The following PCDH7 variants were observed in gnomAD, a reference collection of about 807,000 sequenced individuals.
The protein encoded by PCDH7 is protocadherin 7.
A neutral mutation model predicts 58.9 loss-of-function variants in PCDH7; 17 were observed. The ratio of observed to expected loss-of-function variants is 0.29; its 90% CI spans 0.20 to 0.43. PCDH7 has a LOEUF of 0.43. PCDH7 is among the 20% of genes least tolerant of loss of function. The pLI is 1.00. For synonymous variants in PCDH7, 664 were observed against 616.4 expected (o/e 1.08, Z -1.14); for missense variants, 1,274 against 1,441.0 (o/e 0.88, Z 1.88).
At chr4:31,097,622 ATATATATATATAT>A (rs1311713696) in intron 3 of PCDH7, among the ~76,000 whole-genome samples, 736 of 40,332 alleles carry the variant, frequency 0.018, 64 homozygotes, top group Middle Eastern at 0.045. Flanking sequence ...ATATATATAT[ATATATATATATAT>A]ATAAATCTTT....
chr4:30,814,613 C>T (rs1727439363), intron 1 of PCDH7, among the ~76,000 whole-genome samples: 1 of 151,954 alleles, frequency 6.6e-6, no homozygotes, highest in Non-Finnish European at 1.5e-5. Flanking sequence ...TGTTGACAAT[C>T]TCTGTTGACT....
rs1316850804 is a variant in PCDH7 at position 30,722,728 on chromosome 4, G to A, written c.1306G>A (p.Val436Ile). 6.2e-7 allele frequency: 1 copy of A among 1,613,438 alleles called. No homozygotes were observed. The highest frequency in any genetic ancestry group is 8.5e-7 in the Non-Finnish European group (1 of 1,180,024). Residue 436 changes from valine (V) to isoleucine (I), a missense_variant, in exon 1 of 2, where the codon GTT becomes ATT. This residue lies in a region of PCDH7 where 731 missense variants were observed against 881.9 expected (regional missense o/e 0.83). Transcript: ENST00000361762. This position sits in a 1 kb window ranked among gnomAD's most constrained non-coding sequence, Gnocchi z 7.6. Reference sequence around the variant, plus strand: ...CGGGGTGGCCAACGTGGCCGAGGACGTTCTGGTCGACACCCCCATCGCTCT... The same window carrying A: ...CGGGGTGGCCAACGTGGCCGAGGACATTCTGGTCGACACCCCCATCGCTCT...
intron 3 of PCDH7, among the ~76,000 whole-genome samples, chr4:30,980,699 A>G (rs1750478773): frequency 6.6e-6 from 1 of 152,182 alleles, no homozygotes; most frequent in South Asian, 2.1e-4. Flanking sequence ...ATTTGAAACA[A>G]TTTCTGTCTT....
At chr4:30,888,540 A>G (rs962770094) in intron 1 of PCDH7, among the ~76,000 whole-genome samples, 2 of 152,218 alleles carry the variant, frequency 1.3e-5, no homozygotes, top group African/African-American at 4.8e-5. Flanking sequence ...AAAACAGAAC[A>G]AATTATTTTA....
intron 3 of PCDH7, among the ~76,000 whole-genome samples, chr4:30,964,249 TA>T (rs200635874): frequency 0.34 from 23,614 of 69,528 alleles, 3,121 homozygotes; most frequent in African/African-American, 0.57. Context: ...TTTATTTATT[TA>T]TTTTTTTTTG....
At chr4:31,056,420 G>GAA (rs1560608320) in intron 3 of PCDH7, among the ~76,000 whole-genome samples, 4 of 123,628 alleles carry the variant, frequency 3.2e-5, no homozygotes, top group African/African-American at 1.1e-4. Context: ...AAGAAGGAAA[G>GAA]AAGGAAAGAA....
chr4:30,729,005 C>T (rs1345693352), intron 1 of PCDH7, among the ~76,000 whole-genome samples: 1 of 151,600 alleles, frequency 6.6e-6, no homozygotes, highest in Non-Finnish European at 1.5e-5. Context: ...ATACTATAAT[C>T]AACAGCTTAA....
At chr4:31,054,648 C>T (rs1000235686) in intron 3 of PCDH7, among the ~76,000 whole-genome samples, 2 of 152,060 alleles carry the variant, frequency 1.3e-5, no homozygotes, top group Non-Finnish European at 2.9e-5. Context: ...TTATCTTCAT[C>T]AAATTCAAGG....
intron 2 of PCDH7, among the ~76,000 whole-genome samples, chr4:30,925,179 G>A (rs753721848): frequency 1.3e-5 from 2 of 152,084 alleles, no homozygotes; most frequent in East Asian, 3.9e-4. Flanking sequence ...TAAACATGCT[G>A]CAGTAAAACA....
In PCDH7 at chr4:30,722,848, A is replaced by G; in HGVS notation, c.1426A>G (p.Thr476Ala). ...CTTCCAGCTCAAGCCAGCCAGCGACACCGAGGGCGACCAGAACAAGAAAAA... is the reference window on the plus strand; with the variant it reads ...CTTCCAGCTCAAGCCAGCCAGCGACGCCGAGGGCGACCAGAACAAGAAAAA... The change falls in exon 1 of 2, where the codon ACC becomes GCC. Residue 476 changes from threonine to alanine, a missense_variant. This residue lies in a region of PCDH7 where 731 missense variants were observed against 881.9 expected (regional missense o/e 0.83). Coordinates refer to ENST00000361762, the Ensembl canonical transcript of PCDH7. The surrounding 1 kb of genome is among the most constrained non-coding windows in gnomAD (Gnocchi z 7.6). 1.2e-6 allele frequency: 2 copies of G among 1,613,772 alleles called. No homozygotes were observed. The highest frequency in any genetic ancestry group is 1.1e-5 in the South Asian group (1 of 91,082).
intron 1 of PCDH7, among the ~76,000 whole-genome samples, chr4:30,870,056 A>G (rs986112146): frequency 5.9e-5 from 9 of 151,960 alleles, no homozygotes; most frequent in Non-Finnish European, 5.9e-5. Flanking sequence ...TTTTTTTCAT[A>G]TATCTGTGGC....
intron 1 of PCDH7, among the ~76,000 whole-genome samples, chr4:30,779,609 G>T (rs1722529665): frequency 6.6e-6 from 1 of 152,132 alleles, no homozygotes; most frequent in Admixed American, 6.5e-5. Context: ...CCAGTTCTTA[G>T]ATTATTAACA....
rs564784927 is a variant in PCDH7 at position 31,074,877 on chromosome 4, C to T, written c.*8-67596C>T. Among the ~76,000 whole-genome samples, 15 of 150,190 alleles carry T rather than the reference C, an allele frequency of 1.0e-4. No individual in the cohort carries two copies. The South Asian group carries it at 1.3e-3, about 13-fold the overall frequency. On this transcript the variant is annotated intron_variant, in intron 3 of 3. Transcript: ENST00000509759. ...GATTCATGCCCACTGATACATTGCT[C>T]ATCATTTGTACCAGGAAAATTAATA...
At position 30,958,989 on chromosome 4, in the gene PCDH7, T is replaced by A. The variant is rs138387558; in HGVS notation, c.*7+8774T>A. 3.9e-5 allele frequency among the ~76,000 whole-genome samples: 6 copies of A among 152,230 alleles called. No individual in the cohort carries two copies. The East Asian group carries it at 1.2e-3, about 29-fold the overall frequency. On this transcript the variant is annotated intron_variant, in intron 3 of 3. Coordinates refer to the PCDH7 transcript ENST00000509759. ...AGGAGCCAGCTTGTCTTTTCAATAG[T>A]GTGAGGCTCAAAGCACCAGATTAGC...
At chr4:30,989,793 C>T (rs1751301889) in intron 3 of PCDH7, among the ~76,000 whole-genome samples, 1 of 152,030 alleles carries the variant, frequency 6.6e-6, no homozygotes, top group Admixed American at 6.6e-5. Flanking sequence ...GACACCCTTC[C>T]CCACCAAAAA....
At chr4:30,910,978 A>G (rs75622608) in intron 1 of PCDH7, among the ~76,000 whole-genome samples, 2 of 152,144 alleles carry the variant, frequency 1.3e-5, no homozygotes, top group East Asian at 3.9e-4. Context: ...CTATGCAGCC[A>G]TAAAAAAGAA....
intron 1 of PCDH7, among the ~76,000 whole-genome samples, chr4:30,812,574 A>T (rs1297878147): frequency 2.6e-5 from 4 of 152,178 alleles, no homozygotes; most frequent in Non-Finnish European, 5.9e-5. Context: ...GAATTCTGTT[A>T]AGCTATTTTC....
chr4:31,000,494 A>G (rs563892918), intron 3 of PCDH7, among the ~76,000 whole-genome samples: 2 of 152,106 alleles, frequency 1.3e-5, no homozygotes, highest in Non-Finnish European at 2.9e-5. Flanking sequence ...GCTATCCTGG[A>G]AAATTATTTT....
intron 3 of PCDH7, among the ~76,000 whole-genome samples, chr4:30,981,289 T>C (rs546974100): frequency 6.6e-6 from 1 of 152,222 alleles, no homozygotes; most frequent in Admixed American, 6.5e-5. Context: ...CAGTGATCTA[T>C]GCGTGAGGCA....
Sources: gnomAD v4.1 joint callset for allele counts (sites outside exome capture counted in the v4.1 genomes callset) on GRCh38, gnomAD v4.1.1 for gene constraint, gnomAD v4.1.1 regional missense constraint, Gnocchi (gnomAD v3.1) non-coding constraint, MANE v1.5 for transcripts, NCBI Gene and HGNC (gene_info 2026-07-23, HGNC 2026-07-21) for gene names.